Variants in ENPEP observed in about 807,000 individuals in gnomAD.
ENPEP encodes AP-A.
In ENPEP, 103 loss-of-function variants were observed where a neutral mutation model predicts 114.5. That is an observed-to-expected ratio of 0.90 (90% CI 0.77 to 1.06). The LOEUF (loss-of-function observed/expected upper bound fraction) is 1.06, where lower values mean the gene tolerates loss of function less well. Among genes scored for constraint, ENPEP ranks in the 50% least tolerant of loss-of-function variants. ENPEP has a pLI of 0.00. For missense variants in ENPEP, 1,196 were observed against 1,161.3 expected (o/e 1.03, Z -0.43); for synonymous variants, 420 against 422.0 (o/e 1.00, Z 0.06).
At chr4:110,507,158 TA>T (rs1301221775) in intron 4 of ENPEP, among the ~76,000 whole-genome samples, 1 of 152,174 alleles carries the variant, frequency 6.6e-6, no homozygotes, top group Non-Finnish European at 1.5e-5. Context: ...ATAATAGGGA[TA>T]AATGATGTTG....
intron 10 of ENPEP, 50 bp downstream of exon 10, chr4:110,520,416 T>C (rs753902474): frequency 6.3e-7 from 1 of 1,579,800 alleles, no homozygotes; most frequent in Non-Finnish European, 8.7e-7. Flanking sequence ...GGCAGAAATA[T>C]TGGTAATTTG....
intron 10 of ENPEP, among the ~76,000 whole-genome samples, chr4:110,525,819 T>C (rs1351459021): frequency 6.6e-6 from 1 of 152,174 alleles, no homozygotes; most frequent in Non-Finnish European, 1.5e-5. Flanking sequence ...AATTATTCTC[T>C]CTTACTATAT....
intron 18 of ENPEP, 159 bp downstream of exon 18, chr4:110,553,614 G>A: frequency 1.6e-6 from 1 of 615,326 alleles, no homozygotes; most frequent in South Asian, 5.9e-5. Context: ...GGGAAGCAAT[G>A]TACTAGTTAA....
At chr4:110,546,719 C>G (rs1200970365) in intron 13 of ENPEP, among the ~76,000 whole-genome samples, 1 of 152,086 alleles carries the variant, frequency 6.6e-6, no homozygotes, top group Non-Finnish European at 1.5e-5. Context: ...CAACACAGAA[C>G]TCTATAAGCA....
intron 1 of ENPEP, among the ~76,000 whole-genome samples, chr4:110,486,541 T>A (rs1004558102): frequency 3.9e-5 from 6 of 152,206 alleles, no homozygotes; most frequent in African/African-American, 1.4e-4. Context: ...TGCCTGGCTT[T>A]TTCTCATTAT....
chr4:110,541,899 G>T (rs1172242179), intron 11 of ENPEP, among the ~76,000 whole-genome samples: 4 of 152,072 alleles, frequency 2.6e-5, no homozygotes, highest in Non-Finnish European at 5.9e-5. Context: ...TAACGAACAT[G>T]GTTATATCAA....
At chr4:110,524,936 A>T (rs1397239840) in intron 10 of ENPEP, among the ~76,000 whole-genome samples, 1 of 152,122 alleles carries the variant, frequency 6.6e-6, no homozygotes, top group Non-Finnish European at 1.5e-5. Context: ...TGTGTAAAAA[A>T]GTTTTTGTAG....
chr4:110,542,405 C>T (rs569349995), intron 11 of ENPEP, among the ~76,000 whole-genome samples: 1 of 152,164 alleles, frequency 6.6e-6, no homozygotes, highest in African/African-American at 2.4e-5. Context: ...CCCCTGAAGG[C>T]ATGGACTTCT....
chr4:110,529,086 T>A (rs1290581990), intron 10 of ENPEP, among the ~76,000 whole-genome samples: 1 of 152,152 alleles, frequency 6.6e-6, no homozygotes, highest in Non-Finnish European at 1.5e-5. Context: ...GTACATGAGA[T>A]TAGGAGAACA....
At chr4:110,491,907 G>C (rs1394349008) in intron 3 of ENPEP, among the ~76,000 whole-genome samples, 3 of 151,618 alleles carry the variant, frequency 2.0e-5, no homozygotes, top group Non-Finnish European at 4.4e-5. Flanking sequence ...TTTTAGTAGA[G>C]ACGGGGTTTC....
intron 11 of ENPEP, among the ~76,000 whole-genome samples, chr4:110,536,929 T>C (rs1352806472): frequency 6.6e-6 from 1 of 152,196 alleles, no homozygotes; most frequent in Non-Finnish European, 1.5e-5. Flanking sequence ...CCATGAGTTT[T>C]TTGGTTTCCC....
At position 110,491,137 on chromosome 4, in the gene ENPEP, A is replaced by T. The variant is rs529715929; in HGVS notation, c.891A>T (p.Val297=). 6.2e-7 allele frequency: 1 copy of T among 1,610,180 alleles called. No homozygotes were observed. The highest frequency in any genetic ancestry group is 1.3e-5 in the African/African-American group (1 of 74,858). Residue 297 remains valine, a synonymous_variant, in exon 3 of 20, where the codon GTA becomes GTT. Coordinates refer to ENST00000265162, the MANE Select transcript of ENPEP (RefSeq NM_001977.4). ...VCFAVHQFDS[V]KRISNSGKPL... ...TTGCTGTACATCAATTTGACTCTGT[A>T]AAGAGAATATCAAATAGTGGAAAAC... is the stretch of plus-strand genomic sequence containing the variant.
chr4:110,560,857 T>G (rs1490236145), intron 19 of ENPEP, among the ~76,000 whole-genome samples: 2 of 152,212 alleles, frequency 1.3e-5, no homozygotes, highest in Non-Finnish European at 2.9e-5. Context: ...CTAAGAGTTT[T>G]CTGTATGTTA....
intron 1 of ENPEP, among the ~76,000 whole-genome samples, chr4:110,481,060 T>C (rs548008084): frequency 3.0e-4 from 45 of 152,330 alleles, no homozygotes; most frequent in Middle Eastern, 3.4e-3. Flanking sequence ...GGCTTTTCCT[T>C]GTCAGCATTT....
intron 11 of ENPEP, chr4:110,532,974 A>G (rs1726463618): frequency 3.4e-6 from 1 of 291,082 alleles, no homozygotes; most frequent in Non-Finnish European, 7.1e-6. Flanking sequence ...ATTTTCAACA[A>G]TGTGTAACAG....
intron 1 of ENPEP, among the ~76,000 whole-genome samples, chr4:110,477,568 T>C (rs1724159426): frequency 6.6e-6 from 1 of 152,094 alleles, no homozygotes; most frequent in African/African-American, 2.4e-5. Flanking sequence ...AAAAATCACA[T>C]GTGATCCACA....
At position 110,509,750 on chromosome 4, in the gene ENPEP, A is replaced by G. The variant is rs1034289537; in HGVS notation, c.1137A>G (p.Ser379=). ...ACCTGCTTTATGACCCTAAGGAATC[A>G]GCCTCATCAAACCAACAGAGGGTGG... ...ETNLLYDPKE[S]ASSNQQRVAT... Residue 379 remains serine, a synonymous_variant, in exon 5 of 20, where the codon TCA becomes TCG. Transcript: ENST00000265162. The G allele has an allele frequency of 6.2e-7, 1 of 1,614,256 alleles. No homozygotes were observed. The highest frequency in any genetic ancestry group is 1.6e-4 in the Middle Eastern group (1 of 6,062).
In ENPEP at chr4:110,564,389, C is replaced by CT. The variant is rs1439753457; in HGVS notation, c.*2835dup. 2 of 152,098 alleles carry CT rather than the reference C, an allele frequency of 1.3e-5. No homozygotes were observed. Among genetic ancestry groups the CT allele is most frequent in the African/African-American group, 4.8e-5 (2 of 41,400 alleles). The allele number at this position is 152,098 out of a possible 1,614,324, so 9.4% of individuals were successfully genotyped here. On this transcript the variant is annotated 3_prime_UTR_variant, in exon 20 of 20. Transcript: ENST00000265162. Reference sequence around the variant, plus strand: ...ATATCAACTACTTGGTAGTTGAGTGCTTTTAACCTCTCCATTGTTGTTTCA... The same window carrying CT: ...ATATCAACTACTTGGTAGTTGAGTGCTTTTTAACCTCTCCATTGTTGTTTCA...
At chr4:110,510,460 A>C (rs1280457931) in intron 6 of ENPEP, 102 bp downstream of exon 6, 1 of 976,356 alleles carries the variant, frequency 1.0e-6, no homozygotes, top group African/African-American at 1.6e-5. Flanking sequence ...TGGCAAGTAC[A>C]GTGGTGAGCG....
Sources: gnomAD v4.1 joint callset for allele counts (sites outside exome capture counted in the v4.1 genomes callset) on GRCh38, gnomAD v4.1.1 for gene constraint, MANE v1.5 for transcripts, NCBI Gene and HGNC (gene_info 2026-07-23, HGNC 2026-07-21) for gene names.